The following ORC1 variants were observed in gnomAD, a reference collection of about 807,000 sequenced individuals.
ORC1 encodes the protein origin recognition complex, subunit 1 homolog.
In ORC1, 61 loss-of-function variants were observed where a neutral mutation model predicts 98.9. The observed-to-expected ratio is 0.62, with a 90% CI of 0.50 to 0.76. The LOEUF (loss-of-function observed/expected upper bound fraction) is 0.76, where lower values mean the gene tolerates loss of function less well. Among genes scored for constraint, ORC1 ranks in the 30% least tolerant of loss-of-function variants. ORC1 has a pLI of 0.00. For missense variants in ORC1, 979 were observed against 1,072.2 expected, an observed-to-expected ratio of 0.91 and a Z score of 1.21; for synonymous variants, 385 against 406.9, an observed-to-expected ratio of 0.95 and a Z score of 0.65.
Position 52,397,845 on chromosome 1 carries a change from T to C in ORC1, c.242A>G (p.Lys81Arg). The C allele has an allele frequency of 6.2e-7, 1 of 1,614,186 alleles. No homozygotes were observed. Among genetic ancestry groups the C allele is most frequent in the Non-Finnish European group, 8.5e-7 (1 of 1,180,008 alleles). Residue 81 changes from lysine (K) to arginine (R), a missense_variant, in exon 4 of 17, where the codon AAG becomes AGG. Coordinates refer to ENST00000371568, the MANE Select transcript of ORC1 (RefSeq NM_004153.4). The part of the protein sequence containing the change: ...LFEDDSDPPP[K>R]KRARVQWFVR... ...AAACCACTGTACTCGAGCACGTTTC[T>C]TAGGAGGAGGATCAGAGTCTAGAAA...
Position 52,372,935 on chromosome 1 carries a change from T to C in ORC1, c.*246A>G. ...TCCATGTACTTCCAAAATCAGATGCTTTGTAGACTAGCTTGGCAACATGGT... is the reference window on the plus strand; with the variant it reads ...TCCATGTACTTCCAAAATCAGATGCCTTGTAGACTAGCTTGGCAACATGGT... On this transcript the variant is annotated 3_prime_UTR_variant, in exon 17 of 17. Coordinates refer to ENST00000371568, the MANE Select transcript of ORC1 (RefSeq NM_004153.4). 1 of 502,278 alleles carries C rather than the reference T, an allele frequency of 2.0e-6. No individual in the cohort carries two copies. The highest frequency in any genetic ancestry group is 3.8e-5 in the East Asian group (1 of 26,372). The allele number at this position is 502,278 out of a possible 1,614,324, so 31.1% of individuals were successfully genotyped here.
intron 16 of ORC1, among the ~76,000 whole-genome samples, chr1:52,373,690 G>A (rs1477664338): frequency 6.6e-6 from 1 of 152,176 alleles, no homozygotes; most frequent in East Asian, 1.9e-4. Context: ...GTGAGTTAAT[G>A]GATATAAAAT....
chr1:52,383,680 C>A, intron 12 of ORC1, 111 bp from the exon 13 acceptor site: 1 of 1,362,464 alleles, frequency 7.3e-7, no homozygotes, highest in Non-Finnish European at 1.0e-6. Context: ...AGTCATAGCA[C>A]CAAAACAATC....
chr1:52,383,336 A>G, intron 13 of ORC1, 84 bp downstream of exon 13: 2 of 1,540,434 alleles, frequency 1.3e-6, no homozygotes, highest in East Asian at 2.3e-5. Flanking sequence ...GGCGTGAGCC[A>G]CCACACCTGG....
chr1:52,404,581 C>G, upstream of ORC1: 1 of 607,250 alleles, frequency 1.6e-6, no homozygotes. Flanking sequence ...CGATAGGCGA[C>G]GCGGGGAGCG....
Position 52,385,236 on chromosome 1 carries a change from G to C in ORC1, c.1508C>G (p.Ser503Cys). Residue 503 changes from serine (S) to cysteine (C), a missense_variant, in exon 10 of 17, where the codon TCT becomes TGT. Ser to Cys is a moderately radical substitution (Grantham distance 112). Transcript: ENST00000371568. ...LRLHVSAVPESLPCREQEFQD... is the reference protein window; with the variant it reads ...LRLHVSAVPECLPCREQEFQD... ...GAATTCCTGTTCCCGACAGGGAAGAGACTCAGGTACAGCAGAAACATGCAG... is the reference window on the plus strand; with the variant it reads ...GAATTCCTGTTCCCGACAGGGAAGACACTCAGGTACAGCAGAAACATGCAG... The C allele has an allele frequency of 6.2e-7, 1 of 1,613,772 alleles. No homozygotes were observed. Among genetic ancestry groups the C allele is most frequent in the South Asian group, 1.1e-5 (1 of 91,078 alleles).
rs764110997 is a variant in ORC1, at chr1:52,373,359, A to G, written c.2408T>C (p.Val803Ala). The G allele has an allele frequency of 3.1e-6, 5 of 1,614,038 alleles. No homozygotes were observed. In the East Asian group the frequency reaches 1.1e-4, roughly 36 times the overall value. ...ATFQQIYSQH[V>A]ALCRMEGLPY... ...CAGTCCCTCCATTCTGCACAGTGCC[A>G]CATGTTGACTATATATCTAGACACA... is the stretch of plus-strand genomic sequence containing the variant. Residue 803 changes from valine to alanine, a missense_variant, in exon 17 of 17, where the codon GTG (valine) becomes GCG (alanine). Transcript: ENST00000371568.
chr1:52,405,236 A>G (rs1647944774), upstream of ORC1, among the ~76,000 whole-genome samples: 1 of 152,210 alleles, frequency 6.6e-6, no homozygotes, highest in Non-Finnish European at 1.5e-5. Flanking sequence ...CCTGAAACCA[A>G]ATTCATGATC....
At chr1:52,404,947 A>G (rs1647931533), upstream of ORC1, 2 of 1,577,040 alleles carry the variant, frequency 1.3e-6, no homozygotes, top group African/African-American at 1.4e-5. Context: ...GAGCGCGGGT[A>G]GGACTAGCGA....
At chr1:52,385,607 C>T (rs750699057) in intron 9 of ORC1, among the ~76,000 whole-genome samples, 4 of 152,174 alleles carry the variant, frequency 2.6e-5, no homozygotes, top group South Asian at 2.1e-4. Context: ...TCCATCCCTG[C>T]GGAAATGATG....
In ORC1 at chr1:52,402,199, T is replaced by G. The variant is rs1178780076; in HGVS notation, c.25A>C (p.Lys9Gln). MAHYPTRL[K>Q]TRKTYSWVGR... is the part of the protein sequence containing the mutation. Reference sequence around the variant, plus strand: ...ACCCATGAATAAGTTTTTCTGGTCTTCAGCCTTGTGGGGTAGTGTGCCATG... The same window carrying G: ...ACCCATGAATAAGTTTTTCTGGTCTGCAGCCTTGTGGGGTAGTGTGCCATG... The change falls in exon 2 of 17, where the codon AAG becomes CAG. Residue 9 changes from lysine (K) to glutamine (Q), a missense_variant. Transcript: ENST00000371568. 35 of 1,614,210 alleles carry G rather than the reference T, an allele frequency of 2.2e-5. No homozygotes were observed. The highest frequency in any genetic ancestry group is 2.9e-5 in the Non-Finnish European group (34 of 1,180,024).
chr1:52,389,252 A>G lies in ORC1; in HGVS notation c.1152T>C (p.Ser384=), dbSNP rs1457302459. 2 of 1,614,080 alleles carry G rather than the reference A, an allele frequency of 1.2e-6. No homozygotes were observed. The highest frequency in any genetic ancestry group is 1.1e-5 in the South Asian group (1 of 91,092). Residue 384 remains serine, a synonymous_variant, in exon 7 of 17, where the codon TCT becomes TCC. Transcript: ENST00000371568. Reference sequence around the variant, plus strand: ...GCCTAATCCGATTCATAGTCAAGACAGAACTCTTTCTGCGGATACGATGGG... The same window carrying G: ...GCCTAATCCGATTCATAGTCAAGACGGAACTCTTTCTGCGGATACGATGGG... ...STPHRIRRKS[S]VLTMNRIRQQ... is the part of the protein sequence containing the mutation.
intron 3 of ORC1, among the ~76,000 whole-genome samples, chr1:52,400,138 AT>A (rs1315606439): frequency 2.0e-5 from 3 of 152,184 alleles, no homozygotes; most frequent in African/African-American, 7.2e-5. Flanking sequence ...ACTTCTAAGT[AT>A]GTCAAAGAGA....
intron 6 of ORC1, among the ~76,000 whole-genome samples, chr1:52,392,316 G>A (rs1285847665): frequency 6.6e-6 from 1 of 152,078 alleles, no homozygotes; most frequent in Non-Finnish European, 1.5e-5. Context: ...TTTTAGTAGA[G>A]ATAGGGTTTC....
intron 6 of ORC1, 129 bp downstream of exon 6, chr1:52,393,314 A>C: frequency 7.9e-7 from 1 of 1,264,562 alleles, no homozygotes; most frequent in Non-Finnish European, 1.1e-6. Flanking sequence ...TCTGTATTTT[A>C]AGAAAGCTCC....
chr1:52,372,946 G>C lies in ORC1; in HGVS notation c.*235C>G, dbSNP rs1646952378. On this transcript the variant is annotated 3_prime_UTR_variant, in exon 17 of 17. Transcript: ENST00000371568. ...CCAAAATCAGATGCTTTGTAGACTA[G>C]CTTGGCAACATGGTGAAGCCCTGTC... 2 of 527,358 alleles carry C rather than the reference G, an allele frequency of 3.8e-6. No individual in the cohort carries two copies. Among genetic ancestry groups the C allele is most frequent in the Non-Finnish European group, 6.9e-6 (2 of 289,756 alleles). 32.7% of individuals were successfully genotyped at this position (527,358 alleles called of 1,614,324 possible).
intron 13 of ORC1, 127 bp downstream of exon 13, chr1:52,383,293 C>T: frequency 9.4e-7 from 1 of 1,062,690 alleles, no homozygotes; most frequent in East Asian, 2.4e-5. Flanking sequence ...AAGTGATCCG[C>T]CCGCCTTGGC....
Position 52,396,072 on chromosome 1 carries a change from C to T in ORC1, c.695G>A (p.Arg232Lys). The T allele has an allele frequency of 1.9e-6, 3 of 1,614,166 alleles. No homozygotes were observed. Among genetic ancestry groups the T allele is most frequent in the Non-Finnish European group, 2.5e-6 (3 of 1,180,036 alleles). ...GCCAAGCTCCAGCCTCTTTCTGGCTCTTGGGGTAAGAGGATGGGTAGGAGT... is the reference window on the plus strand; with the variant it reads ...GCCAAGCTCCAGCCTCTTTCTGGCTTTTGGGGTAAGAGGATGGGTAGGAGT... ...RQTPTHPLTP[R>K]ARKRLELGNL... is the part of the protein sequence containing the mutation. Residue 232 changes from arginine to lysine, a missense_variant, in exon 5 of 17, where the codon AGA becomes AAA. Physicochemically the swap from Arg to Lys is conservative, Grantham distance 26 (BLOSUM62 2). Transcript: ENST00000371568.
At chr1:52,387,450 T>C (rs189455412) in intron 8 of ORC1, among the ~76,000 whole-genome samples, 1 of 152,172 alleles carries the variant, frequency 6.6e-6, no homozygotes, top group East Asian at 1.9e-4. Context: ...CTGGATTCCT[T>C]TCCCTAGAGA....
Sources: allele counts gnomAD v4.1 joint callset (sites outside exome capture counted in the v4.1 genomes callset), GRCh38; gene constraint gnomAD v4.1.1; transcripts MANE v1.5; gene names NCBI Gene and HGNC (gene_info 2026-07-23, HGNC 2026-07-21).